Variants in CDH12 observed in about 807,000 individuals in gnomAD.
The protein encoded by CDH12 is cadherin 12.
A neutral mutation model predicts 74.1 loss-of-function variants in CDH12; 41 were observed. That is an observed-to-expected ratio of 0.55 (90% CI 0.43 to 0.72). The LOEUF (loss-of-function observed/expected upper bound fraction) is 0.72, where lower values mean the gene tolerates loss of function less well. Ranked by LOEUF, CDH12 falls within the 30% of genes least tolerant of loss-of-function variation. The probability of loss-of-function intolerance (pLI) is 0.00; values close to 1 mark genes in which losing one functional copy is unlikely to be tolerated. For synonymous variants in CDH12, 399 were observed against 355.0 expected, an observed-to-expected ratio of 1.12 and a Z score of -1.39; for missense variants, 945 against 977.2, an observed-to-expected ratio of 0.97 and a Z score of 0.44.
chr5:21,908,837 T>G (rs1282917275), intron 6 of CDH12, among the ~76,000 whole-genome samples: 1 of 152,202 alleles, frequency 6.6e-6, no homozygotes, highest in East Asian at 1.9e-4. Flanking sequence ...CAGATTTTGG[T>G]GTTGGCTGGT....
chr5:21,906,717 C>T (rs561176189), intron 6 of CDH12, among the ~76,000 whole-genome samples: 11 of 152,194 alleles, frequency 7.2e-5, no homozygotes, highest in Non-Finnish European at 1.0e-4. Flanking sequence ...TACATCCAGC[C>T]ATGTTTTTCC....
intron 2 of CDH12, among the ~76,000 whole-genome samples, chr5:22,436,592 C>T (rs1279454771): frequency 1.3e-5 from 2 of 151,896 alleles, no homozygotes; most frequent in East Asian, 3.9e-4. Context: ...AACTGCAAAT[C>T]CCCTGTCTTG....
intron 1 of CDH12, among the ~76,000 whole-genome samples, chr5:22,663,896 C>A (rs191475342): frequency 1.4e-4 from 21 of 151,798 alleles, no homozygotes; most frequent in Admixed American, 1.1e-3. Context: ...CTTTTTTAAC[C>A]ACTTTTTTTT....
chr5:21,891,560 T>TACACACAC (rs1305461373), intron 6 of CDH12, among the ~76,000 whole-genome samples: 20 of 68,892 alleles, frequency 2.9e-4, no homozygotes, highest in Non-Finnish European at 7.3e-4. Context: ...TTCCTGTGAA[T>TACACACAC]ACACACACAC....
At chr5:22,697,536 C>T (rs1040483059) in intron 1 of CDH12, among the ~76,000 whole-genome samples, 5 of 139,534 alleles carry the variant, frequency 3.6e-5, no homozygotes, top group African/African-American at 1.1e-4. Context: ...AGCACCACTG[C>T]ACTCCAGCGT....
At chr5:22,264,555 T>A (rs1753639289) in intron 3 of CDH12, among the ~76,000 whole-genome samples, 3 of 152,150 alleles carry the variant, frequency 2.0e-5, no homozygotes, top group African/African-American at 7.2e-5. Flanking sequence ...TTGACTTTTA[T>A]GAACCAAGGT....
At chr5:22,156,075 A>C (rs1007248444) in intron 4 of CDH12, among the ~76,000 whole-genome samples, 1 of 152,168 alleles carries the variant, frequency 6.6e-6, no homozygotes, top group African/African-American at 2.4e-5. Context: ...TATATATAAA[A>C]GATAACATTA....
chr5:22,077,739 G>T (rs1322662741), intron 5 of CDH12, among the ~76,000 whole-genome samples: 5 of 151,946 alleles, frequency 3.3e-5, no homozygotes, highest in Admixed American at 6.6e-5. Context: ...TCCTGAAACA[G>T]ATAGTTGCCA....
At chr5:22,586,709 A>G (rs1246705740) in intron 1 of CDH12, among the ~76,000 whole-genome samples, 1 of 151,964 alleles carries the variant, frequency 6.6e-6, no homozygotes, top group East Asian at 1.9e-4. Flanking sequence ...TTTTTACTGT[A>G]TCAATGGGGT....
chr5:22,538,701 A>G (rs1490604931), intron 1 of CDH12, among the ~76,000 whole-genome samples: 1 of 152,182 alleles, frequency 6.6e-6, no homozygotes, highest in East Asian at 1.9e-4. Flanking sequence ...TTTTAATTCA[A>G]CTTCAGACTG....
intron 2 of CDH12, among the ~76,000 whole-genome samples, chr5:22,418,611 C>T (rs527895168): frequency 9.2e-5 from 14 of 152,196 alleles, no homozygotes; most frequent in East Asian, 1.9e-4. Context: ...TGGCCCGGCA[C>T]GGTAGCTCGC....
rs550754549 is a variant in CDH12, at chr5:21,918,740, A to T, written c.526+56351T>A. ...TGGTGATTATGGAGATTATAATTCAAGTTGAGTTTTGGGCAGGAACACAGA... is the reference window on the plus strand; with the variant it reads ...TGGTGATTATGGAGATTATAATTCATGTTGAGTTTTGGGCAGGAACACAGA... On this transcript the variant is annotated intron_variant, in intron 6 of 14. Transcript: ENST00000382254. Among the ~76,000 whole-genome samples, 6 of 152,268 alleles carry T rather than the reference A, an allele frequency of 3.9e-5. No individual in the cohort carries two copies. In the South Asian group the frequency reaches 1.2e-3, roughly 32 times the overall value.
At chr5:22,532,409 GTTTC>G (rs977801608) in intron 1 of CDH12, among the ~76,000 whole-genome samples, 2 of 104,628 alleles carry the variant, frequency 1.9e-5, no homozygotes, top group South Asian at 3.3e-4. Context: ...CTATCCAACA[GTTTC>G]ACAGTACCTA....
At chr5:22,037,495 G>T (rs1739271828) in intron 5 of CDH12, among the ~76,000 whole-genome samples, 1 of 152,086 alleles carries the variant, frequency 6.6e-6, no homozygotes, top group Non-Finnish European at 1.5e-5. Context: ...CCTCCAAGAG[G>T]CCCCAGATGG....
chr5:22,027,938 T>C (rs1738496738), intron 5 of CDH12, among the ~76,000 whole-genome samples: 1 of 152,158 alleles, frequency 6.6e-6, no homozygotes, highest in Non-Finnish European at 1.5e-5. Flanking sequence ...TCCTACTTTC[T>C]CTTGTGGGCA....
At chr5:22,372,567 G>A (rs971272967) in intron 3 of CDH12, among the ~76,000 whole-genome samples, 2 of 152,172 alleles carry the variant, frequency 1.3e-5, no homozygotes, top group African/African-American at 4.8e-5. Context: ...GACATGCAAG[G>A]GAGTTGAGCC....
chr5:21,833,470 ATAT>A (rs1749338001), intron 8 of CDH12, among the ~76,000 whole-genome samples: 1 of 73,338 alleles, frequency 1.4e-5, no homozygotes, highest in African/African-American at 5.8e-5. Flanking sequence ...ATATATTATT[ATAT>A]ATCATATATT....
intron 1 of CDH12, among the ~76,000 whole-genome samples, chr5:22,713,346 T>C (rs1743391982): frequency 6.6e-6 from 1 of 151,978 alleles, no homozygotes; most frequent in Admixed American, 6.6e-5. Flanking sequence ...TTTCACTATG[T>C]TGGCCAGGAT....
At chr5:22,143,305 AG>A in intron 4 of CDH12, 1 of 153,504 alleles carries the variant, frequency 6.5e-6, no homozygotes, top group East Asian at 1.9e-4. Context: ...TGTAAAGAGA[AG>A]GTTGATTTGT....
Sources: allele counts gnomAD v4.1 joint callset (sites outside exome capture counted in the v4.1 genomes callset), GRCh38; gene constraint gnomAD v4.1.1; transcripts MANE v1.5; gene names NCBI Gene and HGNC (gene_info 2026-07-23, HGNC 2026-07-21).